PDE10A: variants seen among roughly 807,000 people sequenced by gnomAD.
PDE10A encodes the protein cAMP and cAMP-inhibited cGMP 3',5'-cyclic phosphodiesterase 10A.
Under a neutral mutation model 97.7 loss-of-function variants are expected in PDE10A, and 39 were observed. The ratio of observed to expected loss-of-function variants is 0.40; its 90% CI spans 0.31 to 0.52. The LOEUF is 0.52. PDE10A is among the 20% of genes least tolerant of loss of function. The probability of loss-of-function intolerance (pLI) is 0.56; values close to 1 mark genes in which losing one functional copy is unlikely to be tolerated. For missense variants in PDE10A, 731 were observed against 1,047.8 expected, an observed-to-expected ratio of 0.70 and a Z score of 4.17; for synonymous variants, 371 against 376.8, an observed-to-expected ratio of 0.98 and a Z score of 0.18.
At chr6:165,451,536 C>T (rs1483143478) in intron 3 of PDE10A, among the ~76,000 whole-genome samples, 1 of 152,194 alleles carries the variant, frequency 6.6e-6, no homozygotes, top group Admixed American at 6.5e-5. Flanking sequence ...CTATCCAGCT[C>T]AAAACTGCGT....
At chr6:165,884,365 C>T (rs1190102503) in intron 1 of PDE10A, among the ~76,000 whole-genome samples, 1 of 152,192 alleles carries the variant, frequency 6.6e-6, no homozygotes, top group Non-Finnish European at 1.5e-5. Context: ...ATTTGACTCC[C>T]ATCTTAGTTA....
At chr6:165,536,563 T>A in intron 2 of PDE10A, among the ~76,000 whole-genome samples, 1 of 147,016 alleles carries the variant, frequency 6.8e-6, no homozygotes, top group Non-Finnish European at 1.5e-5. Context: ...AAAAAATTAA[T>A]AACCTGAACA....
chr6:165,948,628 G>C (rs1386844091), intron 1 of PDE10A: 1 of 152,358 alleles, frequency 6.6e-6, no homozygotes, highest in Non-Finnish European at 1.5e-5. Flanking sequence ...GTAGCTGAGA[G>C]CTGAGGCCCA....
intron 7 of PDE10A, 57 bp downstream of exon 7, chr6:165,432,917 C>T: frequency 7.6e-7 from 1 of 1,312,812 alleles, no homozygotes; most frequent in Non-Finnish European, 1.1e-6. Context: ...CTAACAAGCA[C>T]CTTCAATGAG....
In PDE10A at chr6:165,418,624, TCTAG is replaced by T. The variant is rs1220450052; in HGVS notation, c.1796+7_1796+10del. On this transcript the variant is annotated splice_region_variant and intron_variant, in intron 11 of 21. Transcript: ENST00000539869. The surrounding 1 kb of genome is among the most constrained non-coding windows in gnomAD (Gnocchi z 4.8). ...CCGTAAGAGGATAGGACATTCTACT[TCTAG>T]CTGTACCTTATCTCTTTGGTCTTCT... 1 of 1,610,434 alleles carries T rather than the reference TCTAG, an allele frequency of 6.2e-7. No individual in the cohort carries two copies. The highest frequency in any genetic ancestry group is 8.5e-7 in the Non-Finnish European group (1 of 1,179,402).
intron 5 of PDE10A, among the ~76,000 whole-genome samples, chr6:165,436,255 T>C (rs570530375): frequency 6.6e-6 from 1 of 152,330 alleles, no homozygotes; most frequent in South Asian, 2.1e-4. Context: ...CAATAAGTAT[T>C]AGACAGCCCT....
At chr6:165,846,421 A>G (rs1342504728) in intron 1 of PDE10A, among the ~76,000 whole-genome samples, 4 of 152,230 alleles carry the variant, frequency 2.6e-5, no homozygotes, top group Admixed American at 2.6e-4. Flanking sequence ...CCAAGTGGCA[A>G]ACACGCAATC....
chr6:165,745,654 C>T (rs1792826807), intron 1 of PDE10A, among the ~76,000 whole-genome samples: 1 of 152,196 alleles, frequency 6.6e-6, no homozygotes, highest in African/African-American at 2.4e-5. Context: ...TTATTAACTA[C>T]AACTGATCTT....
At chr6:165,852,899 A>C (rs756647811) in intron 1 of PDE10A, among the ~76,000 whole-genome samples, 1 of 152,244 alleles carries the variant, frequency 6.6e-6, no homozygotes, top group Non-Finnish European at 1.5e-5. Context: ...GCAAAGGAAC[A>C]GACGTGGTAA....
At chr6:165,621,326 CTATT>C (rs1469000163) in intron 1 of PDE10A, among the ~76,000 whole-genome samples, 5 of 151,600 alleles carry the variant, frequency 3.3e-5, no homozygotes, top group East Asian at 1.9e-4. Context: ...GCTTCGTAAA[CTATT>C]TAAAGCATTG....
chr6:165,688,059 GT>G (rs1213952266), intron 1 of PDE10A, among the ~76,000 whole-genome samples: 1 of 152,206 alleles, frequency 6.6e-6, no homozygotes, highest in Non-Finnish European at 1.5e-5. Context: ...GGACCACGTG[GT>G]GTTTTCTCAC....
chr6:165,965,397 C>T (rs1784481220), intron 1 of PDE10A, among the ~76,000 whole-genome samples: 2 of 152,098 alleles, frequency 1.3e-5, no homozygotes, highest in Admixed American at 6.5e-5. Context: ...GGGTATAAAT[C>T]AGGGGTAGTG....
At chr6:165,862,652 A>G (rs561813031) in intron 1 of PDE10A, among the ~76,000 whole-genome samples, 1 of 150,666 alleles carries the variant, frequency 6.6e-6, no homozygotes, top group East Asian at 2.0e-4. Context: ...ACACTGAGTT[A>G]GAACCTCAAC....
chr6:165,892,050 C>A (rs1470031844), intron 1 of PDE10A, among the ~76,000 whole-genome samples: 1 of 151,980 alleles, frequency 6.6e-6, no homozygotes, highest in African/African-American at 2.4e-5. Context: ...CGGACATGAT[C>A]CAAGCATAAA....
At chr6:165,875,762 GTTTGT>G (rs1781326215) in intron 1 of PDE10A, among the ~76,000 whole-genome samples, 1 of 135,244 alleles carries the variant, frequency 7.4e-6, no homozygotes, top group Admixed American at 7.5e-5. Context: ...GTGTGTGTGT[GTTTGT>G]TTTAACACGG....
chr6:165,825,652 C>G (rs1306787925), intron 1 of PDE10A, among the ~76,000 whole-genome samples: 1 of 152,208 alleles, frequency 6.6e-6, no homozygotes, highest in East Asian at 1.9e-4. Flanking sequence ...GGGAAGAGAG[C>G]AAGACTGCAG....
At chr6:165,810,447 C>T (rs2128467185) in intron 1 of PDE10A, among the ~76,000 whole-genome samples, 1 of 152,300 alleles carries the variant, frequency 6.6e-6, no homozygotes, top group Admixed American at 6.5e-5. Flanking sequence ...GGCATTCACC[C>T]TGCTTAATTC....
chr6:165,482,958 G>A (rs1381546982), intron 2 of PDE10A, among the ~76,000 whole-genome samples: 1 of 152,210 alleles, frequency 6.6e-6, no homozygotes, highest in Non-Finnish European at 1.5e-5. Context: ...GAGAATCCCT[G>A]GAAGGCTCTC....
At chr6:165,843,714 C>T (rs915117117) in intron 1 of PDE10A, among the ~76,000 whole-genome samples, 3 of 152,154 alleles carry the variant, frequency 2.0e-5, no homozygotes, top group Non-Finnish European at 1.5e-5. Context: ...ATTTGGGGGA[C>T]ACATTCAGGC....
Sources: gnomAD v4.1 joint callset for allele counts (sites outside exome capture counted in the v4.1 genomes callset) on GRCh38, gnomAD v4.1.1 for gene constraint, Gnocchi (gnomAD v3.1) non-coding constraint, MANE v1.5 for transcripts, NCBI Gene and HGNC (gene_info 2026-07-23, HGNC 2026-07-21) for gene names.